Variants in CCDC15 observed in about 807,000 individuals in gnomAD.
The protein encoded by CCDC15 is coiled-coil domain containing 15, also known as coiled-coil domain-containing protein 15.
Under a neutral mutation model 114.5 loss-of-function variants are expected in CCDC15, and 105 were observed. The observed-to-expected ratio is 0.92, with a 90% CI of 0.78 to 1.08. The LOEUF (loss-of-function observed/expected upper bound fraction) is 1.08. Among genes scored for constraint, CCDC15 ranks in the 50% least tolerant of loss-of-function variants. The probability of loss-of-function intolerance (pLI) is 0.00; values close to 1 mark genes in which losing one functional copy is unlikely to be tolerated. For synonymous variants in CCDC15, 334 were observed against 377.8 expected (o/e 0.88, Z 1.34); for missense variants, 1,105 against 1,093.6 (o/e 1.01, Z -0.15).
At chr11:124,957,200 C>T (rs953681970) in intron 2 of CCDC15, among the ~76,000 whole-genome samples, 1 of 152,204 alleles carries the variant, frequency 6.6e-6, no homozygotes, top group Non-Finnish European at 1.5e-5. Context: ...TCTGGGACCT[C>T]AGCTGGGGCT....
chr11:124,995,164 T>C (rs1323707467), intron 11 of CCDC15, among the ~76,000 whole-genome samples: 1 of 152,176 alleles, frequency 6.6e-6, no homozygotes, highest in Non-Finnish European at 1.5e-5. Context: ...TGTTGTTTCC[T>C]CTTGTCTGGG....
intron 13 of CCDC15, among the ~76,000 whole-genome samples, chr11:125,031,554 C>T (rs1222786968): frequency 1.3e-5 from 2 of 152,132 alleles, no homozygotes; most frequent in African/African-American, 4.8e-5. Flanking sequence ...AACTTGATGA[C>T]CCTTCAGTTT....
At chr11:124,970,665 A>G (rs1452868478) in intron 4 of CCDC15, among the ~76,000 whole-genome samples, 1 of 152,178 alleles carries the variant, frequency 6.6e-6, no homozygotes, top group Non-Finnish European at 1.5e-5. Flanking sequence ...AGTATTACTA[A>G]TTGTTTTGTT....
chr11:124,976,211 A>C (rs1210616699), intron 5 of CCDC15, among the ~76,000 whole-genome samples: 2 of 148,778 alleles, frequency 1.3e-5, no homozygotes, highest in Non-Finnish European at 3.0e-5. Flanking sequence ...TGGAATATGC[A>C]TATAATATAT....
intron 6 of CCDC15, among the ~76,000 whole-genome samples, chr11:124,980,610 T>C (rs1438484942): frequency 6.6e-6 from 1 of 152,228 alleles, no homozygotes; most frequent in Non-Finnish European, 1.5e-5. Context: ...GTGAGGCCAG[T>C]GGTAATGTCC....
intron 11 of CCDC15, among the ~76,000 whole-genome samples, chr11:124,998,737 CT>C (rs35263582): frequency 0.24 from 30,535 of 129,464 alleles, 2,884 homozygotes; most frequent in African/African-American, 0.38. Context: ...AGAGTCTCTA[CT>C]TTTTTTTTTT....
chr11:124,972,364 A>G (rs1947900480), intron 4 of CCDC15, among the ~76,000 whole-genome samples: 1 of 152,212 alleles, frequency 6.6e-6, no homozygotes, highest in Admixed American at 6.5e-5. Context: ...ATATGTAAGT[A>G]TACATACAAA....
intron 13 of CCDC15, among the ~76,000 whole-genome samples, chr11:125,018,727 G>A (rs1948643818): frequency 6.6e-6 from 1 of 152,038 alleles, no homozygotes; most frequent in African/African-American, 2.4e-5. Flanking sequence ...AATATAGTAT[G>A]TACTCAGTAA....
intron 13 of CCDC15, among the ~76,000 whole-genome samples, chr11:125,035,982 G>A (rs989220895): frequency 3.2e-4 from 48 of 150,636 alleles, no homozygotes; most frequent in African/African-American, 1.1e-3. Flanking sequence ...TCATCTTTTA[G>A]TCTTCCCACT....
intron 6 of CCDC15, among the ~76,000 whole-genome samples, chr11:124,978,081 C>T (rs748468581): frequency 2.0e-5 from 3 of 152,060 alleles, no homozygotes; most frequent in Admixed American, 6.6e-5. Context: ...GTTTAGCTCC[C>T]GCTTGTAAGT....
At chr11:125,002,256 A>G (rs1156424678) in intron 11 of CCDC15, among the ~76,000 whole-genome samples, 2 of 152,138 alleles carry the variant, frequency 1.3e-5, no homozygotes, top group African/African-American at 4.8e-5. Context: ...TATTTGCGTT[A>G]TGATTATTGA....
chr11:125,009,142 A>G (rs982705745), intron 13 of CCDC15, among the ~76,000 whole-genome samples: 3 of 150,590 alleles, frequency 2.0e-5, no homozygotes, highest in African/African-American at 7.3e-5. Flanking sequence ...CAGGGGAATC[A>G]CTTGAACACG....
intron 13 of CCDC15, among the ~76,000 whole-genome samples, chr11:125,007,977 T>C (rs962194154): frequency 6.6e-6 from 1 of 152,218 alleles, no homozygotes; most frequent in Admixed American, 6.5e-5. Context: ...AATTTCAGTC[T>C]TTCAACTTTG....
intron 13 of CCDC15, among the ~76,000 whole-genome samples, chr11:125,034,001 A>G (rs898717722): frequency 9.2e-5 from 14 of 152,194 alleles, no homozygotes; most frequent in Admixed American, 7.2e-4. Context: ...GGAGCCTGCT[A>G]GGACTTTAGT....
At chr11:124,981,822 T>C (rs1413908462) in intron 6 of CCDC15, among the ~76,000 whole-genome samples, 3 of 152,200 alleles carry the variant, frequency 2.0e-5, no homozygotes, top group Non-Finnish European at 4.4e-5. Context: ...GGTTTCTTCA[T>C]GTTGGCCAGG....
At chr11:124,974,403 A>C (rs1368451052) in intron 4 of CCDC15, among the ~76,000 whole-genome samples, 1 of 152,256 alleles carries the variant, frequency 6.6e-6, no homozygotes, top group Non-Finnish European at 1.5e-5. Context: ...ATAGCCGCAT[A>C]CTGAAATTTC....
intron 13 of CCDC15, among the ~76,000 whole-genome samples, chr11:125,033,508 G>C (rs1948755357): frequency 6.6e-6 from 1 of 152,114 alleles, no homozygotes; most frequent in Admixed American, 6.5e-5. Flanking sequence ...TCCTTACAGA[G>C]CTCTTCAAAG....
chr11:124,993,267 A>G (rs1231664128), intron 11 of CCDC15, 24 bp downstream of exon 11: 2 of 1,459,160 alleles, frequency 1.4e-6, no homozygotes, highest in Non-Finnish European at 1.9e-6. Context: ...AATATTCAAG[A>G]TCTAGTCTCT....
In CCDC15 at chr11:124,987,554, A is replaced by G. The variant is rs770039094; in HGVS notation, c.1328A>G (p.Lys443Arg). The change falls in exon 8 of 16, where the codon AAA becomes AGA. Residue 443 changes from lysine (K) to arginine (R), a missense_variant. Coordinates refer to ENST00000344762, the MANE Select transcript of CCDC15 (RefSeq NM_025004.3). ...CCTAAAGACCAGAGTATTCTACTCA[A>G]ATATCAGGACCAGGACTTCCTACCC... is the stretch of plus-strand genomic sequence containing the variant. ...VLPKDQSILL[K>R]YQDQDFLPRD... The G allele has an allele frequency of 4.3e-6, 7 of 1,613,932 alleles. No homozygotes were observed. Among genetic ancestry groups the G allele is most frequent in the Non-Finnish European group, 5.9e-6 (7 of 1,179,900 alleles).
Sources: gnomAD v4.1 joint callset for allele counts (sites outside exome capture counted in the v4.1 genomes callset) on GRCh38, gnomAD v4.1.1 for gene constraint, MANE v1.5 for transcripts, NCBI Gene and HGNC (gene_info 2026-07-23, HGNC 2026-07-21) for gene names.